RBM26: variants seen among roughly 807,000 people sequenced by gnomAD.
The protein encoded by RBM26 is RNA-binding protein 26.
In RBM26, 30 loss-of-function variants were observed where a neutral mutation model predicts 123.6. That is an observed-to-expected ratio of 0.24 (90% CI 0.18 to 0.33). RBM26 has a LOEUF of 0.33. RBM26 is among the 10% of genes least tolerant of loss of function. The pLI is 1.00. For missense variants in RBM26, 947 were observed against 1,203.6 expected, an observed-to-expected ratio of 0.79 and a Z score of 3.15; for synonymous variants, 400 against 404.4, an observed-to-expected ratio of 0.99 and a Z score of 0.13.
At chr13:79,392,629 CCTAA>C (rs980300084) in intron 1 of RBM26, among the ~76,000 whole-genome samples, 17 of 147,410 alleles carry the variant, frequency 1.2e-4, no homozygotes, top group Non-Finnish European at 7.5e-5. Flanking sequence ...AATTTTTCAA[CCTAA>C]CTTTTATAAA....
At position 79,319,956 on chromosome 13, in the gene RBM26, T is replaced by C. The variant is rs1593857561; in HGVS notation, c.*665A>G. The C allele has an allele frequency of 3.5e-6, 2 of 566,952 alleles. No individual in the cohort carries two copies. The highest frequency in any genetic ancestry group is 2.2e-6 in the Non-Finnish European group (1 of 454,026). 35.1% of individuals were successfully genotyped at this position (566,952 alleles called of 1,614,324 possible). ...CAAGGAACATTGTCTTGGCTTTTTT[T>C]TTTTTTTTTTTTTTGTCATTGCTTT... On this transcript the variant is annotated 3_prime_UTR_variant, in exon 22 of 22. Coordinates refer to ENST00000438737, the MANE Select transcript of RBM26 (RefSeq NM_001366735.2).
chr13:79,334,267 T>A (rs2069933387), intron 20 of RBM26, 77 bp downstream of exon 20: 1 of 801,630 alleles, frequency 1.2e-6, no homozygotes, highest in African/African-American at 1.8e-5. Context: ...AGTTAAAAAA[T>A]TCATTTATAT....
intron 20 of RBM26, among the ~76,000 whole-genome samples, chr13:79,328,418 C>A (rs370739371): frequency 3.0e-4 from 46 of 151,620 alleles, no homozygotes; most frequent in Admixed American, 1.2e-3. Flanking sequence ...CTATTTCACT[C>A]CTTAGACCAA....
intron 14 of RBM26, among the ~76,000 whole-genome samples, chr13:79,347,674 C>G (rs1411079165): frequency 6.6e-6 from 1 of 152,108 alleles, no homozygotes; most frequent in African/African-American, 2.4e-5. Flanking sequence ...TTAATCCCAA[C>G]TGTGTGAATT....
At chr13:79,369,060 A>T in intron 5 of RBM26, 70 bp from the exon 6 acceptor site, 1 of 1,000,836 alleles carries the variant, frequency 1.0e-6, no homozygotes, top group Non-Finnish European at 1.4e-6. Context: ...GATCTAAGAA[A>T]TAGTGATATT....
chr13:79,365,552 C>T, intron 9 of RBM26, 26 bp downstream of exon 9: 1 of 1,579,278 alleles, frequency 6.3e-7, no homozygotes. Context: ...ATGAAAATGA[C>T]AGGAAGGAAA....
intron 18 of RBM26, among the ~76,000 whole-genome samples, chr13:79,340,531 G>T (rs1353498818): frequency 6.6e-6 from 1 of 151,960 alleles, no homozygotes; most frequent in Non-Finnish European, 1.5e-5. Flanking sequence ...TCAAAATACA[G>T]TTCCAATCTT....
intron 1 of RBM26, among the ~76,000 whole-genome samples, chr13:79,383,600 T>A (rs567805646): frequency 2.6e-4 from 40 of 151,656 alleles, no homozygotes; most frequent in African/African-American, 9.4e-4. Flanking sequence ...AAGCACCTAC[T>A]CTGTCACTGT....
Position 79,320,096 on chromosome 13 carries a change from G to T in RBM26, c.*525C>A. ...CACCATTATCATTAAAACCCATATG[G>T]TAAAATACATACACAGTCCAACAAA... On this transcript the variant is annotated 3_prime_UTR_variant, in exon 22 of 22. Transcript: ENST00000438737. 4.1e-6 allele frequency: 4 copies of T among 974,692 alleles called. No homozygotes were observed. The South Asian group carries it at 1.4e-4, about 35-fold the overall frequency. 60.4% of individuals were successfully genotyped at this position (974,692 alleles called of 1,614,324 possible).
chr13:79,397,997 C>A (rs2078742111), intron 1 of RBM26, among the ~76,000 whole-genome samples: 1 of 152,110 alleles, frequency 6.6e-6, no homozygotes, highest in African/African-American at 2.4e-5. Context: ...GAACTTACTC[C>A]ATTATTTAAT....
intron 20 of RBM26, among the ~76,000 whole-genome samples, chr13:79,324,705 AT>A (rs1286291246): frequency 1.3e-5 from 2 of 151,382 alleles, no homozygotes; most frequent in African/African-American, 2.4e-5. Context: ...TATTAAGACT[AT>A]TTTTTTTAAA....
chr13:79,376,853 GATTTCTCGAGGGTTCCC>G (rs2076704572), intron 3 of RBM26: 1 of 152,556 alleles, frequency 6.6e-6, no homozygotes, highest in Non-Finnish European at 1.5e-5. Flanking sequence ...TGGGCACTTT[GATTTCTCGAGGGTTCCC>G]ATTACCCCCT....
At chr13:79,391,275 A>G (rs140127996) in intron 1 of RBM26, among the ~76,000 whole-genome samples, 1 of 152,342 alleles carries the variant, frequency 6.6e-6, no homozygotes, top group East Asian at 1.9e-4. Flanking sequence ...GGCATACAGT[A>G]AGCACAACTA....
At position 79,319,296 on chromosome 13, in the gene RBM26, A is replaced by T; in HGVS notation, c.*1325T>A. The T allele has an allele frequency of 1.0e-6, 1 of 983,130 alleles. No homozygotes were observed. The highest frequency in any genetic ancestry group is 1.2e-6 in the Non-Finnish European group (1 of 828,016). The allele number at this position is 983,130 out of a possible 1,614,324, so 60.9% of individuals were successfully genotyped here. ...TTTTAATATTATCACTATAATCTCA[A>T]GAGAGGCAGAAACACTTGCAATCAA... is the stretch of plus-strand genomic sequence containing the variant. On this transcript the variant is annotated 3_prime_UTR_variant, in exon 22 of 22. Coordinates refer to ENST00000438737, the MANE Select transcript of RBM26 (RefSeq NM_001366735.2).
intron 11 of RBM26, among the ~76,000 whole-genome samples, chr13:79,357,926 A>G (rs2074224953): frequency 1.4e-5 from 2 of 144,724 alleles, no homozygotes. Flanking sequence ...CTTGTCACCC[A>G]GGCTGGAGTG....
intron 9 of RBM26, among the ~76,000 whole-genome samples, chr13:79,365,281 C>T (rs2075142282): frequency 6.6e-6 from 1 of 152,022 alleles, no homozygotes; most frequent in African/African-American, 2.4e-5. Flanking sequence ...CCCATCTCTA[C>T]TAAAAATACA....
chr13:79,396,301 C>A (rs2078557445), intron 1 of RBM26, among the ~76,000 whole-genome samples: 1 of 151,794 alleles, frequency 6.6e-6, no homozygotes, highest in Admixed American at 6.6e-5. Flanking sequence ...AAATAAAACA[C>A]TGAAATAGAA....
Position 79,334,411 on chromosome 13 carries a change from T to C in RBM26, c.2753A>G (p.Asp918Gly). The change falls in exon 20 of 22, where the codon GAT becomes GGT. Residue 918 changes from aspartate to glycine, a missense_variant. Coordinates refer to ENST00000438737, the MANE Select transcript of RBM26 (RefSeq NM_001366735.2). ...PHFAQYGEIE[D>G]CQIDDSSLHA... ...AAGTGAGGAATCATCAATCTGACAA[T>C]CTTCAATTTCACCATATTGCTTTAA... The C allele has an allele frequency of 6.4e-7, 1 of 1,563,988 alleles. No homozygotes were observed. The highest frequency in any genetic ancestry group is 8.7e-7 in the Non-Finnish European group (1 of 1,152,000).
intron 11 of RBM26, among the ~76,000 whole-genome samples, chr13:79,356,385 C>CAAAAAAAAAAAAAAAAAAAAAAA (rs1290686538): frequency 8.1e-5 from 1 of 12,394 alleles, no homozygotes. Context: ...AAAAAAAAAA[C>CAAAAAAAAAAAAAAAAAAAAAAA]AAACAAAAAA....
Sources: gnomAD v4.1 joint callset for allele counts (sites outside exome capture counted in the v4.1 genomes callset) on GRCh38, gnomAD v4.1.1 for gene constraint, MANE v1.5 for transcripts, NCBI Gene and HGNC (gene_info 2026-07-23, HGNC 2026-07-21) for gene names.